F5: variants seen among roughly 807,000 people sequenced by gnomAD.
The protein encoded by F5 is activated protein c cofactor.
Under a neutral mutation model 216.4 loss-of-function variants are expected in F5, and 138 were observed. The ratio of observed to expected loss-of-function variants is 0.64; its 90% confidence interval spans 0.56 to 0.73. The LOEUF is 0.73. Ranked by LOEUF, F5 falls within the 30% of genes least tolerant of loss-of-function variation. The probability of loss-of-function intolerance (pLI) is 0.00; values close to 1 mark genes in which losing one functional copy is unlikely to be tolerated. For synonymous variants in F5, 916 were observed against 930.7 expected, an observed-to-expected ratio of 0.98 and a Z score of 0.29; for missense variants, 2,403 against 2,674.0, an observed-to-expected ratio of 0.90 and a Z score of 2.24.
intron 3 of F5, among the ~76,000 whole-genome samples, chr1:169,564,307 T>C (rs1396815274): frequency 6.6e-6 from 1 of 152,132 alleles, no homozygotes; most frequent in African/African-American, 2.4e-5. Flanking sequence ...TCTAGAGCTC[T>C]TTCTCTGTGA....
At chr1:169,572,167 G>T in intron 3 of F5, 54 bp downstream of exon 3, 1 of 1,553,646 alleles carries the variant, frequency 6.4e-7, no homozygotes. Context: ...GTTGATGCTG[G>T]TATTAAAGAC....
chr1:169,550,060 T>C, intron 9 of F5, 45 bp from the exon 10 acceptor site: 1 of 1,410,580 alleles, frequency 7.1e-7, no homozygotes, highest in Non-Finnish European at 1.0e-6. Context: ...GCAAAGTTAT[T>C]TCATGATAAT....
At chr1:169,548,071 T>C (rs1660056716) in intron 10 of F5, among the ~76,000 whole-genome samples, 1 of 152,194 alleles carries the variant, frequency 6.6e-6, no homozygotes. Context: ...GCCATTATTC[T>C]AAGCAAGTTA....
intron 2 of F5, among the ~76,000 whole-genome samples, chr1:169,577,929 CT>C (rs1182862651): frequency 6.6e-6 from 1 of 152,006 alleles, no homozygotes; most frequent in East Asian, 1.9e-4. Context: ...AGGCTCATGA[CT>C]TTTTCAGGGC....
chr1:169,522,637 T>C (rs945089131), intron 21 of F5, among the ~76,000 whole-genome samples: 1 of 152,164 alleles, frequency 6.6e-6, no homozygotes, highest in Non-Finnish European at 1.5e-5. Flanking sequence ...CATTCAGACT[T>C]CTTTGGGGAA....
At chr1:169,534,132 C>T (rs576280486) in intron 14 of F5, among the ~76,000 whole-genome samples, 6 of 152,200 alleles carry the variant, frequency 3.9e-5, no homozygotes, top group South Asian at 2.1e-4. Flanking sequence ...TCACGTACCC[C>T]CTCCTTGCTC....
chr1:169,529,118 A>G (rs2101810490), intron 16 of F5, among the ~76,000 whole-genome samples: 1 of 152,210 alleles, frequency 6.6e-6, no homozygotes. Context: ...TTACCTGGGT[A>G]CCTAGTTTCT....
At position 169,520,680 on chromosome 1, in the gene F5, A is replaced by C. The variant is rs1179079119; in HGVS notation, c.6049-16T>G. ...CATTAAAATACTAGAAGAAAAGAGGAAAGTTTAGTTATGTAACAATGATCT... is the reference window on the plus strand; with the variant it reads ...CATTAAAATACTAGAAGAAAAGAGGCAAGTTTAGTTATGTAACAATGATCT... On this transcript the variant is annotated splice_polypyrimidine_tract_variant and intron_variant, in intron 21 of 24. Coordinates refer to ENST00000367797, the MANE Select transcript of F5 (RefSeq NM_000130.5). 6.2e-7 allele frequency: 1 copy of C among 1,608,996 alleles called. No homozygotes were observed. Among genetic ancestry groups the C allele is most frequent in the African/African-American group, 1.3e-5 (1 of 74,834 alleles).
chr1:169,552,029 A>G lies in F5; in HGVS notation c.1296+528T>C, dbSNP rs189090238. Among the ~76,000 whole-genome samples, 26 of 152,318 alleles carry G rather than the reference A, an allele frequency of 1.7e-4. No individual in the cohort carries two copies. The East Asian group carries it at 4.8e-3, about 28-fold the overall frequency. On this transcript the variant is annotated intron_variant, in intron 8 of 24. Transcript: ENST00000367797. Reference sequence around the variant, plus strand: ...AATATTTTAATGCAACTTTTAATCTATTATTTTATGCAACTTTTAATCTAT... The same window carrying G: ...AATATTTTAATGCAACTTTTAATCTGTTATTTTATGCAACTTTTAATCTAT...
intron 8 of F5, among the ~76,000 whole-genome samples, chr1:169,551,854 T>C (rs1481421484): frequency 6.6e-6 from 1 of 152,216 alleles, no homozygotes; most frequent in East Asian, 1.9e-4. Context: ...AGGAGAATTG[T>C]CTGAGGAAAA....
chr1:169,521,080 G>T (rs984368827), intron 21 of F5, among the ~76,000 whole-genome samples: 2 of 152,100 alleles, frequency 1.3e-5, no homozygotes, highest in African/African-American at 4.8e-5. Context: ...AATAAAATCT[G>T]CTTTCTCTAA....
Position 169,549,583 on chromosome 1 carries a change from A to T in F5, c.1611+218T>A, listed in dbSNP as rs1393510367. Among the ~76,000 whole-genome samples, 1 of 88,992 alleles carries T rather than the reference A, an allele frequency of 1.1e-5. No individual in the cohort carries two copies. Among genetic ancestry groups the T allele is most frequent in the Non-Finnish European group, 2.5e-5 (1 of 39,864 alleles). 58.4% of individuals were successfully genotyped at this position (88,992 alleles called of 152,430 possible). On this transcript the variant is annotated intron_variant, in intron 10 of 24. Coordinates refer to ENST00000367797, the MANE Select transcript of F5 (RefSeq NM_000130.5). The stretch of plus-strand genomic sequence containing the variant: ...TGAAACTAAGACAAAATATGTTATC[A>T]CACTCTAGACTTGCCTTCGGCAGTG...
rs1660117212 is a variant in F5 at position 169,549,819 on chromosome 1, C to T, written c.1593G>A (p.Leu531=). Residue 531 remains leucine (L), a synonymous_variant, in exon 10 of 25, where the codon CTG becomes CTA. Coordinates refer to ENST00000367797, the MANE Select transcript of F5 (RefSeq NM_000130.5). ...AAAATACCTGTATTCCTCGCCTGTC[C>T]AGGGATCTGCTCTTACAGATTAGAA... ...GLLLICKSRS[L]DRRGIQRAAD... is the part of the protein sequence containing the mutation. The T allele has an allele frequency of 6.2e-7, 1 of 1,613,690 alleles. No individual in the cohort carries two copies. The highest frequency in any genetic ancestry group is 1.3e-5 in the African/African-American group (1 of 75,022).
rs766685878 is a variant in F5, at chr1:169,522,451, TTTTC to T, written c.6048+742_6048+745del. Reference sequence around the variant, plus strand: ...GCTATGGACTCAACTGCAATCTGTGTTTTCTCTCATAATACTGATTAGTAAGAAC... The same window carrying T: ...GCTATGGACTCAACTGCAATCTGTGTTCTCATAATACTGATTAGTAAGAAC... On this transcript the variant is annotated intron_variant, in intron 21 of 24. Transcript: ENST00000367797. Among the ~76,000 whole-genome samples the T allele has an allele frequency of 1.3e-3, 201 of 152,308 alleles. 2 individuals carry two copies. The highest frequency in any genetic ancestry group is 2.3e-3 in the Non-Finnish European group (154 of 68,018).
intron 6 of F5, among the ~76,000 whole-genome samples, chr1:169,556,425 T>TAATAAAAAAAA (rs1660327485): frequency 1.7e-5 from 1 of 58,906 alleles, no homozygotes; most frequent in Non-Finnish European, 2.9e-5. Context: ...TTTGCTTAAT[T>TAATAAAAAAAA]AAAAAAAAAA....
intron 13 of F5, among the ~76,000 whole-genome samples, chr1:169,537,433 G>T (rs1186632525): frequency 6.6e-6 from 1 of 152,122 alleles, no homozygotes; most frequent in African/African-American, 2.4e-5. Context: ...TGTGGACAAA[G>T]ATTTTTTGGA....
intron 14 of F5, among the ~76,000 whole-genome samples, chr1:169,534,857 A>T (rs1659670396): frequency 6.6e-6 from 1 of 152,160 alleles, no homozygotes; most frequent in Non-Finnish European, 1.5e-5. Flanking sequence ...GCCATAACAA[A>T]GACTGAAATC....
At chr1:169,567,952 G>C (rs1337148003) in intron 3 of F5, among the ~76,000 whole-genome samples, 2 of 152,142 alleles carry the variant, frequency 1.3e-5, no homozygotes, top group African/African-American at 2.4e-5. Context: ...TATAACACTT[G>C]TGCTAGGTAT....
At chr1:169,580,555 T>C (rs1275136030) in intron 2 of F5, among the ~76,000 whole-genome samples, 2 of 152,144 alleles carry the variant, frequency 1.3e-5, no homozygotes, top group African/African-American at 2.4e-5. Context: ...AACTAATTTT[T>C]GTATTTTCAG....
Sources: gnomAD v4.1 joint callset for allele counts (sites outside exome capture counted in the v4.1 genomes callset) on GRCh38, gnomAD v4.1.1 for gene constraint, MANE v1.5 for transcripts, NCBI Gene and HGNC (gene_info 2026-07-23, HGNC 2026-07-21) for gene names.